ITGBL1: variants seen among roughly 807,000 people sequenced by gnomAD.
ITGBL1 encodes integrin subunit beta like 1, also known as integrin beta-like protein 1.
Under a neutral mutation model 68.5 loss-of-function variants are expected in ITGBL1, and 51 were observed. That is an observed-to-expected ratio of 0.74 (90% CI 0.59 to 0.94). ITGBL1 has a LOEUF of 0.94. Among genes scored for constraint, ITGBL1 ranks in the 40% least tolerant of loss-of-function variants. ITGBL1 has a pLI of 0.00. For missense variants in ITGBL1, 649 were observed against 647.4 expected, an observed-to-expected ratio of 1.00 and a Z score of -0.03; for synonymous variants, 209 against 227.3, an observed-to-expected ratio of 0.92 and a Z score of 0.72.
intron 2 of ITGBL1, among the ~76,000 whole-genome samples, chr13:101,533,677 T>C (rs2049520828): frequency 1.3e-5 from 2 of 152,228 alleles, no homozygotes; most frequent in South Asian, 4.1e-4. Flanking sequence ...TTTGGTATGA[T>C]ATTAAACTTT....
intron 9 of ITGBL1, among the ~76,000 whole-genome samples, chr13:101,709,870 T>G (rs976878968): frequency 2.6e-5 from 4 of 152,234 alleles, no homozygotes; most frequent in Non-Finnish European, 5.9e-5. Flanking sequence ...AGTCTTCCAT[T>G]TCCTAAACTG....
intron 7 of ITGBL1, among the ~76,000 whole-genome samples, chr13:101,686,894 T>C (rs1331755426): frequency 6.6e-6 from 1 of 152,194 alleles, no homozygotes; most frequent in African/African-American, 2.4e-5. Context: ...TAAGCTTCCT[T>C]TTTAATGAAT....
At chr13:101,477,698 A>G (rs544398551) in intron 2 of ITGBL1, among the ~76,000 whole-genome samples, 1 of 152,026 alleles carries the variant, frequency 6.6e-6, no homozygotes, top group East Asian at 1.9e-4. Context: ...ACAACTATAT[A>G]TATGCCAATA....
chr13:101,688,299 G>A (rs2033803800), intron 7 of ITGBL1, among the ~76,000 whole-genome samples: 1 of 152,088 alleles, frequency 6.6e-6, no homozygotes, highest in African/African-American at 2.4e-5. Flanking sequence ...TATAGACAAA[G>A]GGCTGTGGGA....
intron 7 of ITGBL1, among the ~76,000 whole-genome samples, chr13:101,608,573 T>C (rs767387420): frequency 5.3e-5 from 8 of 152,064 alleles, no homozygotes; most frequent in Non-Finnish European, 7.4e-5. Flanking sequence ...TAAAATCCTT[T>C]GTGGCTTAAC....
At chr13:101,556,587 G>A (rs1019048592) in intron 2 of ITGBL1, among the ~76,000 whole-genome samples, 1 of 152,060 alleles carries the variant, frequency 6.6e-6, no homozygotes, top group African/African-American at 2.4e-5. Flanking sequence ...AGCCGAGATT[G>A]TGCCATTGCA....
At chr13:101,613,260 G>A (rs1350133233) in intron 7 of ITGBL1, among the ~76,000 whole-genome samples, 1 of 152,038 alleles carries the variant, frequency 6.6e-6, no homozygotes. Context: ...GACCTCCAGG[G>A]CATACGATTT....
At chr13:101,538,180 G>C (rs889425917) in intron 2 of ITGBL1, among the ~76,000 whole-genome samples, 1 of 151,926 alleles carries the variant, frequency 6.6e-6, no homozygotes, top group Non-Finnish European at 1.5e-5. Context: ...TAGGAAAATA[G>C]GATTTGTAGA....
chr13:101,590,170 T>A (rs1309391036), intron 6 of ITGBL1, among the ~76,000 whole-genome samples: 1 of 152,176 alleles, frequency 6.6e-6, no homozygotes, highest in East Asian at 1.9e-4. Flanking sequence ...TGTTACTAAT[T>A]GGATAGGATT....
chr13:101,549,350 G>T (rs1032033175), intron 2 of ITGBL1, among the ~76,000 whole-genome samples: 1 of 151,782 alleles, frequency 6.6e-6, no homozygotes, highest in Non-Finnish European at 1.5e-5. Context: ...AAGCATAAGA[G>T]AATTTGATCA....
In ITGBL1 at chr13:101,715,302, T is replaced by C. The variant is rs561499147; in HGVS notation, c.1394-261T>C. On this transcript the variant is annotated intron_variant, in intron 10 of 10. Coordinates refer to ENST00000376180, the MANE Select transcript of ITGBL1 (RefSeq NM_004791.3). ...TTTAAGGGAAAACAAAATTGTCACC[T>C]AAAAGCCTAGCTGGAGTGATACAGG... is the stretch of plus-strand genomic sequence containing the variant. 245 of 374,732 alleles carry C rather than the reference T, an allele frequency of 6.5e-4. 2 individuals are homozygous for C. The South Asian group carries it at 0.01, about 15-fold the overall frequency. 23.2% of individuals were successfully genotyped at this position (374,732 alleles called of 1,614,324 possible). A position where few individuals can be genotyped will look rare whatever the true frequency, so the allele number is the denominator to read the frequency against.
intron 2 of ITGBL1, among the ~76,000 whole-genome samples, chr13:101,542,314 C>T (rs1257217550): frequency 6.6e-6 from 1 of 152,138 alleles, no homozygotes; most frequent in African/African-American, 2.4e-5. Flanking sequence ...TCGTGATGTA[C>T]CCAGTATTCA....
At chr13:101,678,907 C>CT (rs1237721515) in intron 7 of ITGBL1, among the ~76,000 whole-genome samples, 3 of 139,730 alleles carry the variant, frequency 2.1e-5, no homozygotes, top group African/African-American at 7.5e-5. Context: ...TCAAGAAACA[C>CT]TTTTTTTAAT....
chr13:101,572,561 C>G (rs769881878), intron 3 of ITGBL1, among the ~76,000 whole-genome samples: 4 of 152,142 alleles, frequency 2.6e-5, no homozygotes, highest in Non-Finnish European at 4.4e-5. Flanking sequence ...GCTGAGTTAA[C>G]TGGCAACCAC....
chr13:101,581,488 C>T (rs80026151), intron 5 of ITGBL1, among the ~76,000 whole-genome samples: 3,348 of 152,154 alleles, frequency 0.022, 129 homozygotes, highest in African/African-American at 0.076. Flanking sequence ...TATGGCTGCC[C>T]TATCCCTGTA....
chr13:101,479,724 C>A (rs752355453), intron 2 of ITGBL1, among the ~76,000 whole-genome samples: 159 of 152,106 alleles, frequency 1.0e-3, no homozygotes, highest in Admixed American at 2.0e-3. Context: ...CATGACAGAT[C>A]ATCAGAGAAA....
At chr13:101,492,424 T>C (rs1433530975) in intron 2 of ITGBL1, among the ~76,000 whole-genome samples, 1 of 152,214 alleles carries the variant, frequency 6.6e-6, no homozygotes, top group Non-Finnish European at 1.5e-5. Context: ...CAGAAATCCA[T>C]TTGGCTCAAT....
chr13:101,463,653 G>A (rs1376406971), intron 2 of ITGBL1, among the ~76,000 whole-genome samples: 1 of 152,026 alleles, frequency 6.6e-6, no homozygotes, highest in Non-Finnish European at 1.5e-5. Flanking sequence ...TCCCTCCACT[G>A]AGATGCCTGT....
chr13:101,640,345 G>A (rs534342402), intron 7 of ITGBL1, among the ~76,000 whole-genome samples: 4 of 152,050 alleles, frequency 2.6e-5, no homozygotes, highest in Non-Finnish European at 4.4e-5. Flanking sequence ...TTAAAATAAG[G>A]CAGTCTGTTT....
Sources: gnomAD v4.1 joint callset for allele counts (sites outside exome capture counted in the v4.1 genomes callset) on GRCh38, gnomAD v4.1.1 for gene constraint, MANE v1.5 for transcripts, NCBI Gene and HGNC (gene_info 2026-07-23, HGNC 2026-07-21) for gene names.